RBM6: variants seen among roughly 807,000 people sequenced by gnomAD.
The protein encoded by RBM6 is RNA binding motif protein 6.
In RBM6, 23 loss-of-function variants were observed where a neutral mutation model predicts 140.4. The ratio of observed to expected loss-of-function variants is 0.16; its 90% confidence interval spans 0.12 to 0.23. The LOEUF (loss-of-function observed/expected upper bound fraction) is 0.23. Ranked by LOEUF, RBM6 falls within the 10% of genes least tolerant of loss-of-function variation. The probability of loss-of-function intolerance (pLI) is 1.00; values close to 1 mark genes in which losing one functional copy is unlikely to be tolerated. For missense variants in RBM6, 1,139 were observed against 1,386.7 expected (o/e 0.82, Z 2.84); for synonymous variants, 439 against 475.6 (o/e 0.92, Z 1.00).
intron 6 of RBM6, among the ~76,000 whole-genome samples, chr3:50,004,251 C>A (rs1164738305): frequency 6.6e-6 from 1 of 151,750 alleles, no homozygotes; most frequent in East Asian, 1.9e-4. Context: ...ATTCTCCTTT[C>A]CCCTTTCCTT....
chr3:49,998,483 G>T (rs2086184650), intron 5 of RBM6, among the ~76,000 whole-genome samples: 1 of 152,176 alleles, frequency 6.6e-6, no homozygotes. Context: ...GGGGAGCACT[G>T]CATTGACAAG....
intron 19 of RBM6, among the ~76,000 whole-genome samples, chr3:50,073,406 G>A (rs570029477): frequency 3.5e-4 from 53 of 152,294 alleles, no homozygotes; most frequent in South Asian, 1.9e-3. Flanking sequence ...AGGGGGTTGG[G>A]AGAAAGAAAC....
chr3:50,014,199 A>T (rs550341119), intron 6 of RBM6, among the ~76,000 whole-genome samples: 1 of 152,176 alleles, frequency 6.6e-6, no homozygotes, highest in Admixed American at 6.5e-5. Context: ...GGGGTTTGGG[A>T]ATATAGTGGG....
intron 1 of RBM6, among the ~76,000 whole-genome samples, chr3:49,955,661 G>A (rs1168494449): frequency 2.6e-5 from 4 of 151,842 alleles, no homozygotes; most frequent in Non-Finnish European, 4.4e-5. Flanking sequence ...TGGCCAACAT[G>A]GTGAAACCTC....
intron 6 of RBM6, among the ~76,000 whole-genome samples, chr3:50,025,807 T>C (rs1260705369): frequency 2.6e-5 from 4 of 151,944 alleles, no homozygotes; most frequent in Non-Finnish European, 5.9e-5. Context: ...TGTCTCCTAG[T>C]GTAGGTATCA....
intron 6 of RBM6, among the ~76,000 whole-genome samples, chr3:50,025,617 G>GT (rs1195751357): frequency 2.4e-5 from 2 of 82,176 alleles, no homozygotes; most frequent in Non-Finnish European, 2.6e-5. Context: ...AAGAGACAGG[G>GT]TGTCACTATG....
intron 6 of RBM6, among the ~76,000 whole-genome samples, chr3:50,029,472 C>T (rs994039742): frequency 5.3e-5 from 8 of 152,196 alleles, no homozygotes; most frequent in Admixed American, 1.3e-4. Flanking sequence ...TGGTGGCTCA[C>T]GCCTGTCATC....
chr3:49,971,409 C>T (rs2084787762), intron 3 of RBM6, among the ~76,000 whole-genome samples: 1 of 149,728 alleles, frequency 6.7e-6, no homozygotes, highest in South Asian at 2.1e-4. Flanking sequence ...TGTGCCACTG[C>T]ACTCCAGCCT....
chr3:49,962,805 A>G, intron 2 of RBM6, 120 bp downstream of exon 2: 1 of 1,163,986 alleles, frequency 8.6e-7, no homozygotes, highest in African/African-American at 1.6e-5. Context: ...ATTTTTTAAA[A>G]ATAGAAATTT....
chr3:49,968,475 A>G lies in RBM6; in HGVS notation c.1050A>G (p.Glu350=). The G allele has an allele frequency of 6.2e-7, 1 of 1,614,214 alleles. No individual in the cohort carries two copies. The highest frequency in any genetic ancestry group is 8.5e-7 in the Non-Finnish European group (1 of 1,180,046). Residue 350 remains glutamate (E), a synonymous_variant, in exon 3 of 21, where the codon GAA becomes GAG. Transcript: ENST00000266022. ...REGETQGVAF[E]HESPADFQNS... ...GAGAAACACAAGGTGTAGCCTTTGA[A>G]CATGAGTCTCCAGCAGACTTTCAGA... is the stretch of plus-strand genomic sequence containing the variant.
chr3:49,984,226 G>A (rs62262138), intron 5 of RBM6, among the ~76,000 whole-genome samples: 12,014 of 152,220 alleles, frequency 0.079, 526 homozygotes, highest in African/African-American at 0.1. Flanking sequence ...GAGCTAGGGA[G>A]GTGAGGGTGG....
At chr3:49,985,335 C>T (rs142400347) in intron 5 of RBM6, among the ~76,000 whole-genome samples, 12 of 152,292 alleles carry the variant, frequency 7.9e-5, no homozygotes, top group East Asian at 1.9e-4. Flanking sequence ...TTTAAAAATA[C>T]GTTGACATTG....
At position 50,049,047 on chromosome 3, in the gene RBM6, C is replaced by T. The variant is rs962790945; in HGVS notation, c.1632+728C>T. On this transcript the variant is annotated intron_variant, in intron 7 of 20. Transcript: ENST00000266022. ...TGAACTCCGACCTCAAGTGATCCAC[C>T]TGCCTCAGCCTCCCAAAGTGCTGGG... Among the ~76,000 whole-genome samples, 5 of 151,996 alleles carry T rather than the reference C, an allele frequency of 3.3e-5. No homozygotes were observed. In the South Asian group the frequency reaches 1.0e-3, roughly 32 times the overall value.
intron 1 of RBM6, among the ~76,000 whole-genome samples, chr3:49,946,281 C>T (rs1034828955): frequency 2.0e-5 from 3 of 151,902 alleles, no homozygotes; most frequent in Non-Finnish European, 2.9e-5. Context: ...CGCTCTGTCA[C>T]GCAGGCTGGA....
At chr3:50,057,145 G>T (rs1000004236) in intron 8 of RBM6, among the ~76,000 whole-genome samples, 9 of 152,192 alleles carry the variant, frequency 5.9e-5, no homozygotes. Context: ...TGTTTAGTAG[G>T]TGATATAGAG....
At chr3:50,029,600 G>A (rs2088031708) in intron 6 of RBM6, among the ~76,000 whole-genome samples, 1 of 152,114 alleles carries the variant, frequency 6.6e-6, no homozygotes, top group Non-Finnish European at 1.5e-5. Context: ...GGGCGTGGTG[G>A]CGTGTACCTG....
intron 1 of RBM6, among the ~76,000 whole-genome samples, chr3:49,962,033 G>A (rs995201026): frequency 9.9e-5 from 15 of 151,732 alleles, no homozygotes; most frequent in African/African-American, 3.6e-4. Flanking sequence ...GCGTGCGCCT[G>A]TAGTTCTAGC....
chr3:50,002,392 G>T lies in RBM6; in HGVS notation c.1557+2879G>T, dbSNP rs142278803. On this transcript the variant is annotated intron_variant, in intron 6 of 20. Transcript: ENST00000266022. ...TTCTCCTGCCTCAGCCTCCCAAATAGCTGGGATTACAGGTGCCCGCCACCA... is the reference window on the plus strand; with the variant it reads ...TTCTCCTGCCTCAGCCTCCCAAATATCTGGGATTACAGGTGCCCGCCACCA... 2.8e-3 allele frequency among the ~76,000 whole-genome samples: 431 copies of T among 151,818 alleles called. 1 individual carries two copies. The highest frequency in any genetic ancestry group is 4.8e-3 in the Non-Finnish European group (328 of 67,972).
intron 6 of RBM6, among the ~76,000 whole-genome samples, chr3:50,027,917 C>A (rs2108813351): frequency 6.6e-6 from 1 of 152,254 alleles, no homozygotes; most frequent in African/African-American, 2.4e-5. Context: ...CCTAGTAAGC[C>A]CCATGTTGGA....
Sources: gnomAD v4.1 joint callset for allele counts (sites outside exome capture counted in the v4.1 genomes callset) on GRCh38, gnomAD v4.1.1 for gene constraint, MANE v1.5 for transcripts, NCBI Gene and HGNC (gene_info 2026-07-23, HGNC 2026-07-21) for gene names.